Variants in IQGAP1 observed in about 807,000 individuals in gnomAD.
The protein encoded by IQGAP1 is ras GTPase-activating-like protein IQGAP1.
IQGAP1 carries 66 observed loss-of-function variants against 215.6 expected under a neutral mutation model. The observed-to-expected ratio is 0.31, with a 90% CI of 0.25 to 0.38. IQGAP1 has a LOEUF of 0.38. IQGAP1 is among the 10% of genes least tolerant of loss of function. IQGAP1 has a pLI of 1.00. For synonymous variants in IQGAP1, 772 were observed against 728.7 expected (o/e 1.06, Z -0.96); for missense variants, 1,712 against 1,997.1 (o/e 0.86, Z 2.72).
intron 5 of IQGAP1, among the ~76,000 whole-genome samples, chr15:90,438,515 A>G (rs1965401150): frequency 6.6e-6 from 1 of 152,204 alleles, no homozygotes; most frequent in Non-Finnish European, 1.5e-5. Context: ...ATAATTAAAA[A>G]GTAAAAATAT....
intron 18 of IQGAP1, among the ~76,000 whole-genome samples, chr15:90,472,406 G>T (rs1158994052): frequency 6.6e-6 from 1 of 152,180 alleles, no homozygotes; most frequent in Non-Finnish European, 1.5e-5. Flanking sequence ...GCCTGGAGAA[G>T]CAATTTTCAG....
At chr15:90,497,085 T>C in intron 36 of IQGAP1, 147 bp from the exon 37 acceptor site, 1 of 584,742 alleles carries the variant, frequency 1.7e-6, no homozygotes, top group African/African-American at 1.9e-5. Flanking sequence ...CAATCTGTGC[T>C]GCTTCAGCTG....
chr15:90,478,138 C>T (rs546049030), intron 26 of IQGAP1, among the ~76,000 whole-genome samples: 1 of 151,996 alleles, frequency 6.6e-6, no homozygotes, highest in Non-Finnish European at 1.5e-5. Flanking sequence ...ATTACAGTTG[C>T]ACGCTACCAC....
At chr15:90,495,408 A>C (rs888887041) in intron 36 of IQGAP1, among the ~76,000 whole-genome samples, 1 of 152,164 alleles carries the variant, frequency 6.6e-6, no homozygotes, top group East Asian at 1.9e-4. Context: ...TTAAAAAAAG[A>C]ACCTTTTACA....
chr15:90,427,981 A>G (rs1374586920), intron 3 of IQGAP1, among the ~76,000 whole-genome samples: 2 of 152,236 alleles, frequency 1.3e-5, no homozygotes, highest in Non-Finnish European at 2.9e-5. Flanking sequence ...GGAACGGTAT[A>G]GGTACTCAGC....
At chr15:90,425,663 A>G (rs1298183848) in intron 2 of IQGAP1, among the ~76,000 whole-genome samples, 4 of 152,212 alleles carry the variant, frequency 2.6e-5, no homozygotes, top group Admixed American at 2.6e-4. Flanking sequence ...TAAAACTTGG[A>G]CCTAGAAATT....
At chr15:90,491,970 G>A (rs1352308417) in intron 34 of IQGAP1, among the ~76,000 whole-genome samples, 1 of 152,158 alleles carries the variant, frequency 6.6e-6, no homozygotes, top group Non-Finnish European at 1.5e-5. Context: ...CCTGAGAACT[G>A]GTAGTTGATG....
At chr15:90,469,395 C>T (rs1567136623) in intron 18 of IQGAP1, among the ~76,000 whole-genome samples, 1 of 152,190 alleles carries the variant, frequency 6.6e-6, no homozygotes, top group South Asian at 2.1e-4. Context: ...TAGGAGTTAA[C>T]ATCAGATGGG....
At chr15:90,408,208 G>T (rs774530676) in intron 2 of IQGAP1, among the ~76,000 whole-genome samples, 1 of 152,142 alleles carries the variant, frequency 6.6e-6, no homozygotes, top group Non-Finnish European at 1.5e-5. Flanking sequence ...AGGTGCTTGG[G>T]GATATTGTTA....
At chr15:90,461,258 C>G (rs1965757680) in intron 15 of IQGAP1, among the ~76,000 whole-genome samples, 1 of 151,954 alleles carries the variant, frequency 6.6e-6, no homozygotes, top group Non-Finnish European at 1.5e-5. Flanking sequence ...CAATGAGCAC[C>G]ACTGCACTCC....
chr15:90,446,975 G>A (rs964041595), intron 9 of IQGAP1, among the ~76,000 whole-genome samples: 12 of 152,100 alleles, frequency 7.9e-5, no homozygotes, highest in African/African-American at 2.9e-4. Flanking sequence ...AAATTTACTA[G>A]ATGCTTTTGT....
At chr15:90,443,329 G>C (rs897091496) in intron 8 of IQGAP1, 65 bp from the exon 9 acceptor site, 1 of 927,280 alleles carries the variant, frequency 1.1e-6, no homozygotes, top group Non-Finnish European at 1.8e-6. Flanking sequence ...AGGAGCACAC[G>C]TGTATTTATG....
At chr15:90,487,664 C>A in intron 33 of IQGAP1, 82 bp downstream of exon 33, 1 of 908,986 alleles carries the variant, frequency 1.1e-6, no homozygotes, top group South Asian at 1.5e-5. Context: ...GGAGGGGAGA[C>A]ACAAATAACA....
intron 14 of IQGAP1, 135 bp downstream of exon 14, chr15:90,454,687 A>G (rs923099167): frequency 6.3e-6 from 6 of 951,444 alleles, no homozygotes; most frequent in Admixed American, 5.8e-5. Context: ...ACAAAAGGCT[A>G]AAGTTGGATA....
intron 11 of IQGAP1, among the ~76,000 whole-genome samples, chr15:90,450,689 C>A (rs1425265591): frequency 6.6e-6 from 1 of 151,824 alleles, no homozygotes; most frequent in African/African-American, 2.4e-5. Flanking sequence ...GTGTATTTCC[C>A]TGATGATTAA....
chr15:90,485,538 C>G (rs1567142077), intron 30 of IQGAP1, among the ~76,000 whole-genome samples: 1 of 152,128 alleles, frequency 6.6e-6, no homozygotes, highest in Non-Finnish European at 1.5e-5. Context: ...CTACTGGGTT[C>G]AAGCAATTCT....
chr15:90,417,285 G>A (rs909027485), intron 2 of IQGAP1, among the ~76,000 whole-genome samples: 3 of 152,148 alleles, frequency 2.0e-5, no homozygotes, highest in South Asian at 2.1e-4. Context: ...CCTTGCCCAT[G>A]TCTATGTCCT....
rs1434891457 is a variant in IQGAP1, at chr15:90,468,938, TC to T, written c.2178+1348del. Reference sequence around the variant, plus strand: ...TTTCCTTTCCTTACCCCCTTCATCTTCCTTTGAAGCTCCCAAAGAACTTGGT... The same window carrying T: ...TTTCCTTTCCTTACCCCCTTCATCTTCTTTGAAGCTCCCAAAGAACTTGGT... On this transcript the variant is annotated intron_variant, in intron 18 of 37. Coordinates refer to ENST00000268182, the MANE Select transcript of IQGAP1 (RefSeq NM_003870.4). 3.7e-4 allele frequency among the ~76,000 whole-genome samples: 56 copies of T among 152,322 alleles called. No homozygotes were observed. The South Asian group carries it at 6.2e-3, about 17-fold the overall frequency.
At chr15:90,484,726 G>A (rs938385903) in intron 30 of IQGAP1, among the ~76,000 whole-genome samples, 1 of 152,074 alleles carries the variant, frequency 6.6e-6, no homozygotes, top group African/African-American at 2.4e-5. Context: ...AGCCAGCATG[G>A]TGTCGATATC....
Sources: allele counts gnomAD v4.1 joint callset (sites outside exome capture counted in the v4.1 genomes callset), GRCh38; gene constraint gnomAD v4.1.1; transcripts MANE v1.5; gene names NCBI Gene and HGNC (gene_info 2026-07-23, HGNC 2026-07-21).